The following GABRB1 variants were observed in gnomAD, a reference collection of about 807,000 sequenced individuals.
GABRB1 encodes the protein gamma-aminobutyric acid type A receptor subunit beta1.
GABRB1 carries 17 observed loss-of-function variants against 51.6 expected under a neutral mutation model. The observed-to-expected ratio is 0.33, with a 90% CI of 0.23 to 0.49. GABRB1 has a LOEUF of 0.49. GABRB1 is among the 20% of genes least tolerant of loss of function. The probability of loss-of-function intolerance (pLI) is 0.99; values close to 1 mark genes in which losing one functional copy is unlikely to be tolerated. For missense variants in GABRB1, 410 were observed against 600.6 expected (o/e 0.68, Z 3.32); for synonymous variants, 247 against 218.9 (o/e 1.13, Z -1.14).
intron 3 of GABRB1, among the ~76,000 whole-genome samples, chr4:47,046,971 C>A (rs188657520): frequency 6.6e-6 from 1 of 151,982 alleles, no homozygotes. Context: ...AGCAGAACAA[C>A]GTGCACTGGA....
At chr4:47,113,038 A>C (rs1286061763) in intron 3 of GABRB1, among the ~76,000 whole-genome samples, 1 of 152,096 alleles carries the variant, frequency 6.6e-6, no homozygotes, top group Admixed American at 6.6e-5. Flanking sequence ...TTGGATGGGA[A>C]AGGTATACAG....
intron 4 of GABRB1, among the ~76,000 whole-genome samples, chr4:47,278,350 T>C (rs1723158737): frequency 6.6e-6 from 1 of 152,192 alleles, no homozygotes; most frequent in Admixed American, 6.5e-5. Context: ...AACACAGAAA[T>C]CTTTGAAATG....
At chr4:47,062,300 C>CTT (rs76714501) in intron 3 of GABRB1, among the ~76,000 whole-genome samples, 3 of 136,844 alleles carry the variant, frequency 2.2e-5, no homozygotes, top group Admixed American at 7.4e-5. Flanking sequence ...GAAGCAATGT[C>CTT]TTTTTTTTTT....
chr4:47,273,663 T>C (rs1317146237), intron 4 of GABRB1, among the ~76,000 whole-genome samples: 1 of 151,926 alleles, frequency 6.6e-6, no homozygotes. Flanking sequence ...AATAAACAAG[T>C]TGTAGTCCCT....
At position 47,112,570 on chromosome 4, in the gene GABRB1, A is replaced by AAAC. The variant is rs369118642; in HGVS notation, c.241-48675_241-48673dup. On this transcript the variant is annotated intron_variant, in intron 3 of 8. Transcript: ENST00000295454. ...GCCTCAGTTTCTCTATTTGTTAAAG[A>AAAC]AACAACTTATACACCTGAAGATGAA... 2.9e-3 allele frequency among the ~76,000 whole-genome samples: 444 copies of AAAC among 152,358 alleles called. 5 individuals are homozygous for AAAC. Among genetic ancestry groups the AAAC allele is most frequent in the African/African-American group, 0.01 (429 of 41,594 alleles).
At chr4:47,343,158 A>T (rs992535895) in intron 5 of GABRB1, among the ~76,000 whole-genome samples, 6 of 151,954 alleles carry the variant, frequency 3.9e-5, no homozygotes, top group African/African-American at 1.2e-4. Flanking sequence ...AAAAAAAAAA[A>T]TGTCTGTTCT....
At chr4:47,031,802 G>A (rs1415122049) in intron 1 of GABRB1, 71 bp downstream of exon 1, 2 of 1,506,638 alleles carry the variant, frequency 1.3e-6, no homozygotes. Flanking sequence ...TTCTTTTTAC[G>A]TGTCTGCTGG....
intron 5 of GABRB1, among the ~76,000 whole-genome samples, chr4:47,353,903 T>C (rs914481018): frequency 3.9e-5 from 6 of 151,982 alleles, no homozygotes; most frequent in African/African-American, 1.5e-4. Context: ...ACTATTTTTT[T>C]ATACTCTCCC....
intron 3 of GABRB1, among the ~76,000 whole-genome samples, chr4:47,086,324 T>C (rs1353560220): frequency 1.3e-5 from 2 of 152,214 alleles, no homozygotes; most frequent in Non-Finnish European, 2.9e-5. Flanking sequence ...AAATTTCTTA[T>C]TTAAGAGTTT....
intron 4 of GABRB1, among the ~76,000 whole-genome samples, chr4:47,296,875 C>A (rs1724021837): frequency 6.6e-6 from 1 of 152,152 alleles, no homozygotes; most frequent in African/African-American, 2.4e-5. Flanking sequence ...CTCTCCTCAG[C>A]AAACGTAAAA....
At chr4:47,332,831 G>A (rs1461807744) in intron 5 of GABRB1, among the ~76,000 whole-genome samples, 1 of 151,696 alleles carries the variant, frequency 6.6e-6, no homozygotes, top group Non-Finnish European at 1.5e-5. Flanking sequence ...GTACAGCAAA[G>A]AACAGAAAAT....
intron 4 of GABRB1, among the ~76,000 whole-genome samples, chr4:47,241,170 T>G (rs531266864): frequency 5.0e-4 from 76 of 152,328 alleles, no homozygotes; most frequent in African/African-American, 1.8e-3. Context: ...AAATAAAACC[T>G]GAAAATCTGT....
intron 3 of GABRB1, among the ~76,000 whole-genome samples, chr4:47,101,896 A>C (rs1436799149): frequency 6.6e-6 from 1 of 151,974 alleles, no homozygotes; most frequent in Non-Finnish European, 1.5e-5. Flanking sequence ...ATGGGTGCCC[A>C]TTTTTTCTTT....
chr4:47,284,199 T>C (rs1045511836), intron 4 of GABRB1, among the ~76,000 whole-genome samples: 3 of 151,978 alleles, frequency 2.0e-5, no homozygotes, highest in African/African-American at 7.3e-5. Flanking sequence ...TCCCTCGAGA[T>C]TGACAGGCTT....
intron 4 of GABRB1, among the ~76,000 whole-genome samples, chr4:47,188,739 C>T (rs1484239764): frequency 6.6e-6 from 1 of 151,910 alleles, no homozygotes; most frequent in Non-Finnish European, 1.5e-5. Context: ...ATTTAATCAA[C>T]TAACATGTTT....
At chr4:47,417,942 A>C (rs963939120) in intron 8 of GABRB1, among the ~76,000 whole-genome samples, 1 of 152,250 alleles carries the variant, frequency 6.6e-6, no homozygotes, top group Non-Finnish European at 1.5e-5. Context: ...GTGAGTGGCA[A>C]CATTTTTCAC....
intron 3 of GABRB1, among the ~76,000 whole-genome samples, chr4:47,039,359 C>CAAAAAAAAAAAAAAAAAAAAAA (rs10603411): frequency 1.5e-5 from 1 of 65,504 alleles, no homozygotes; most frequent in Non-Finnish European, 3.7e-5. Flanking sequence ...AAAGAAAATA[C>CAAAAAAAAAAAAAAAAAAAAAA]AAAAAAAAAA....
chr4:47,002,657 A>T (rs1252186937), intron 1 of GABRB1, among the ~76,000 whole-genome samples: 1 of 152,186 alleles, frequency 6.6e-6, no homozygotes, highest in East Asian at 1.9e-4. Flanking sequence ...TGATTAAAGT[A>T]TCATAGATAT....
At chr4:47,168,161 A>T (rs982691312) in intron 4 of GABRB1, among the ~76,000 whole-genome samples, 1 of 152,156 alleles carries the variant, frequency 6.6e-6, no homozygotes, top group Non-Finnish European at 1.5e-5. Context: ...TAAGTAATTG[A>T]AAATATATTA....
Sources: gnomAD v4.1 joint callset for allele counts (sites outside exome capture counted in the v4.1 genomes callset) on GRCh38, gnomAD v4.1.1 for gene constraint, MANE v1.5 for transcripts, NCBI Gene and HGNC (gene_info 2026-07-23, HGNC 2026-07-21) for gene names.